Variants in CCDC170 observed in about 807,000 individuals in gnomAD.
CCDC170 encodes the protein coiled-coil domain containing 170.
A neutral mutation model predicts 72.6 loss-of-function variants in CCDC170; 69 were observed. That is an observed-to-expected ratio of 0.95 (90% CI 0.78 to 1.16). The LOEUF (loss-of-function observed/expected upper bound fraction) is 1.16, where lower values mean the gene tolerates loss of function less well. Ranked by LOEUF, CCDC170 falls within the 50% of genes most tolerant of loss-of-function variation. CCDC170 has a pLI of 0.00. For missense variants in CCDC170, 852 were observed against 832.5 expected (o/e 1.02, Z -0.29); for synonymous variants, 300 against 303.9 (o/e 0.99, Z 0.13).
rs1722974932 is a variant in CCDC170, at chr6:151,538,180, CT to C, written c.323del (p.Leu108GlnfsTer29). ...CTCTTTGAGAGACAGAGTTCAGGAA[CT>C]AGAAGAAGAATCAGCAGCACTTTCC... is the stretch of plus-strand genomic sequence containing the variant. ...LTSLRDRVQE[L>X]EEESAALSTS... On this transcript the variant is annotated frameshift_variant, in exon 3 of 11. Transcript: ENST00000239374. LOFTEE classifies it high-confidence loss of function. The C allele has an allele frequency of 6.2e-7, 1 of 1,613,764 alleles. No individual in the cohort carries two copies. The highest frequency in any genetic ancestry group is 1.7e-5 in the Admixed American group (1 of 59,970).
chr6:151,587,731 T>G (rs1347221481), intron 7 of CCDC170, among the ~76,000 whole-genome samples: 3 of 152,182 alleles, frequency 2.0e-5, no homozygotes, highest in African/African-American at 7.2e-5. Flanking sequence ...GTGCAATTAG[T>G]GCGCTTAGTG....
In CCDC170 at chr6:151,620,204, A is replaced by AAAGG. The variant is rs1777038862; in HGVS notation, c.*2060_*2061insGAAG. On this transcript the variant is annotated 3_prime_UTR_variant, in exon 11 of 11. Coordinates refer to ENST00000239374, the MANE Select transcript of CCDC170 (RefSeq NM_025059.4). ...TGGATGATTCCAAAAAAAAAAAAAA[A>AAAGG]AAGAAGAAAGAGAGAAAGAAAGAAA... 1 of 149,670 alleles carries AAAGG rather than the reference A, an allele frequency of 6.7e-6. No individual in the cohort carries two copies. The highest frequency in any genetic ancestry group is 6.7e-5 in the Admixed American group (1 of 14,976). 9.3% of individuals were successfully genotyped at this position (149,670 alleles called of 1,614,324 possible). A position where few individuals can be genotyped will look rare whatever the true frequency, so the allele number is the denominator to read the frequency against.
intron 5 of CCDC170, 92 bp from the exon 6 acceptor site, chr6:151,573,082 A>G: frequency 8.6e-7 from 1 of 1,160,272 alleles, no homozygotes; most frequent in Non-Finnish European, 1.2e-6. Flanking sequence ...TGTAGTCATT[A>G]GCAGGCAAAG....
intron 1 of CCDC170, among the ~76,000 whole-genome samples, chr6:151,517,996 A>G (rs1276724514): frequency 2.6e-5 from 4 of 151,852 alleles, no homozygotes; most frequent in Non-Finnish European, 5.9e-5. Context: ...AAATTAAAGG[A>G]ATTCTCAAAA....
In CCDC170 at chr6:151,573,229, T is replaced by C. The variant is rs780509942; in HGVS notation, c.830T>C (p.Phe277Ser). 4.3e-6 allele frequency: 7 copies of C among 1,613,960 alleles called. No homozygotes were observed. The African/African-American group carries it at 9.3e-5, about 22-fold the overall frequency. Residue 277 changes from phenylalanine (F) to serine (S), a missense_variant, in exon 6 of 11, where the codon TTC (phenylalanine) becomes TCC (serine). Physicochemically the swap from Phe to Ser is radical, Grantham distance 155. Coordinates refer to ENST00000239374, the MANE Select transcript of CCDC170 (RefSeq NM_025059.4). The stretch of plus-strand genomic sequence containing the variant: ...GCTCTTGAAAGGGAAGTTAAGATCT[T>C]CCAAGAAAGGCTGCTTGCTGGCCAG... ...KEALEREVKI[F>S]QERLLAGQQV...
chr6:151,554,679 G>A (rs1052703388), intron 5 of CCDC170, among the ~76,000 whole-genome samples: 1 of 151,716 alleles, frequency 6.6e-6, no homozygotes, highest in Non-Finnish European at 1.5e-5. Flanking sequence ...AGCTGAGATG[G>A]CACCACTGCA....
chr6:151,551,384 TGGTGGTTTTCAA>T (rs1350420523), intron 5 of CCDC170, among the ~76,000 whole-genome samples: 2 of 152,176 alleles, frequency 1.3e-5, no homozygotes, highest in Non-Finnish European at 2.9e-5. Flanking sequence ...ATACCATCTG[TGGTGGTTTTCAA>T]GCACATACAT....
intron 1 of CCDC170, among the ~76,000 whole-genome samples, chr6:151,503,154 C>T (rs1435669036): frequency 2.0e-5 from 3 of 151,538 alleles, no homozygotes; most frequent in Admixed American, 6.6e-5. Flanking sequence ...TCTGGCCTGG[C>T]GACAGGGCGA....
rs532065593 is a variant in CCDC170 at position 151,534,330 on chromosome 6, C to T, written c.58-1988C>T. Among the ~76,000 whole-genome samples, 5 of 151,528 alleles carry T rather than the reference C, an allele frequency of 3.3e-5. No homozygotes were observed. The South Asian group carries it at 1.0e-3, about 31-fold the overall frequency. ...TCATTTTCCCCAAACACTGGGATTA[C>T]AGGCCTGAGCCACTGCACCTGGTCT... On this transcript the variant is annotated intron_variant, in intron 1 of 10. Transcript: ENST00000239374.
intron 7 of CCDC170, among the ~76,000 whole-genome samples, chr6:151,586,816 G>A (rs867353424): frequency 4.0e-5 from 6 of 151,766 alleles, no homozygotes; most frequent in Non-Finnish European, 7.4e-5. Flanking sequence ...ACAGAGTCTC[G>A]CTCTGTTGCC....
At chr6:151,591,464 G>A (rs957300272) in intron 7 of CCDC170, among the ~76,000 whole-genome samples, 1 of 151,782 alleles carries the variant, frequency 6.6e-6, no homozygotes, top group Admixed American at 6.6e-5. Context: ...GCTGTTTTAG[G>A]GGGGAGGTGT....
intron 1 of CCDC170, among the ~76,000 whole-genome samples, chr6:151,502,282 A>G (rs1317301948): frequency 1.5e-4 from 23 of 152,230 alleles, no homozygotes; most frequent in Admixed American, 1.5e-3. Flanking sequence ...TAAAAATAAT[A>G]ATGACAATAA....
intron 5 of CCDC170, among the ~76,000 whole-genome samples, chr6:151,570,672 A>G (rs1339038646): frequency 6.6e-6 from 1 of 152,214 alleles, no homozygotes; most frequent in African/African-American, 2.4e-5. Context: ...CCAAGGAACG[A>G]CCGTAGTTTC....
chr6:151,567,064 G>T (rs575434510), intron 5 of CCDC170, among the ~76,000 whole-genome samples: 64 of 152,072 alleles, frequency 4.2e-4, no homozygotes, highest in Middle Eastern at 3.2e-3. Context: ...AGGATTACAG[G>T]CATGCACCAC....
At chr6:151,572,869 G>T (rs1245007924) in intron 5 of CCDC170, among the ~76,000 whole-genome samples, 1 of 151,684 alleles carries the variant, frequency 6.6e-6, no homozygotes, top group African/African-American at 2.4e-5. Flanking sequence ...GGCCAGGCTG[G>T]TCTTGAACTC....
intron 2 of CCDC170, 41 bp downstream of exon 2, chr6:151,536,487 T>A: frequency 1.2e-6 from 2 of 1,606,764 alleles, no homozygotes; most frequent in Non-Finnish European, 1.7e-6. Context: ...TGGGCCTTCT[T>A]AGCTTCTTAT....
At chr6:151,505,490 T>C (rs1782054204) in intron 1 of CCDC170, among the ~76,000 whole-genome samples, 1 of 151,978 alleles carries the variant, frequency 6.6e-6, no homozygotes, top group African/African-American at 2.4e-5. Flanking sequence ...GAGACCATCC[T>C]GGTTAACACG....
At chr6:151,588,026 G>A (rs559601779) in intron 7 of CCDC170, among the ~76,000 whole-genome samples, 2 of 152,260 alleles carry the variant, frequency 1.3e-5, no homozygotes, top group East Asian at 3.9e-4. Context: ...CAGGGAGCCT[G>A]GGACATGATA....
intron 9 of CCDC170, among the ~76,000 whole-genome samples, chr6:151,603,533 G>A (rs1182551669): frequency 1.3e-5 from 2 of 152,218 alleles, no homozygotes; most frequent in African/African-American, 4.8e-5. Flanking sequence ...GGCAGAAGAT[G>A]AAGAAAGTGC....
Sources: gnomAD v4.1 joint callset for allele counts (sites outside exome capture counted in the v4.1 genomes callset) on GRCh38, gnomAD v4.1.1 for gene constraint, MANE v1.5 for transcripts, NCBI Gene and HGNC (gene_info 2026-07-23, HGNC 2026-07-21) for gene names.